The following PTCHD4 variants were observed in gnomAD, a reference collection of about 807,000 sequenced individuals.
The protein encoded by PTCHD4 is patched domain containing 4.
Under a neutral mutation model 58.1 loss-of-function variants are expected in PTCHD4, and 33 were observed. That is an observed-to-expected ratio of 0.57 (90% CI 0.43 to 0.76). The LOEUF is 0.76. Among genes scored for constraint, PTCHD4 ranks in the 30% least tolerant of loss-of-function variants. The probability of loss-of-function intolerance (pLI) is 0.00; values close to 1 mark genes in which losing one functional copy is unlikely to be tolerated. For synonymous variants in PTCHD4, 478 were observed against 409.6 expected (o/e 1.17, Z -2.02); for missense variants, 1,058 against 1,027.1 (o/e 1.03, Z -0.41).
chr6:47,972,020 T>C (rs574111296), intron 4 of PTCHD4, among the ~76,000 whole-genome samples: 237 of 152,284 alleles, frequency 1.6e-3, no homozygotes, highest in African/African-American at 5.6e-3. Context: ...GAAAGAAATG[T>C]AATAATAGCC....
At chr6:47,912,596 C>T (rs1765105081) in intron 4 of PTCHD4, among the ~76,000 whole-genome samples, 3 of 152,084 alleles carry the variant, frequency 2.0e-5, no homozygotes, top group African/African-American at 7.2e-5. Flanking sequence ...TTCATACCTT[C>T]TTTGAATGTT....
intron 3 of PTCHD4, among the ~76,000 whole-genome samples, chr6:48,049,331 C>G (rs1170794359): frequency 2.5e-5 from 1 of 40,388 alleles, no homozygotes; most frequent in Non-Finnish European, 6.2e-5. Context: ...AGAGAACTTA[C>G]ACATGTTTCG....
At chr6:48,032,453 T>C (rs2753201) in intron 3 of PTCHD4, among the ~76,000 whole-genome samples, 121,929 of 151,932 alleles carry the variant, frequency 0.8, 48,927 homozygotes, top group Middle Eastern at 0.84. Context: ...TATGTGTGTG[T>C]GTGTGTGTTT....
chr6:48,081,116 T>G (rs1244715467), intron 1 of PTCHD4, among the ~76,000 whole-genome samples: 1 of 152,122 alleles, frequency 6.6e-6, no homozygotes, highest in Non-Finnish European at 1.5e-5. Flanking sequence ...AACCAAAATG[T>G]ACAAAACCCT....
In PTCHD4 at chr6:48,067,547, A is replaced by C. The variant is rs146092641; in HGVS notation, c.417+683T>G. On this transcript the variant is annotated intron_variant, in intron 3 of 4. Coordinates refer to ENST00000339488, the MANE Select transcript of PTCHD4 (RefSeq NM_001384253.1). ...ACACATCATTCCTGGAATCCCTACT[A>C]CATTCATAACTCACTGCTTTCAGAC... Among the ~76,000 whole-genome samples the C allele has an allele frequency of 8.2e-4, 125 of 152,218 alleles. 5 individuals carry two copies. Among genetic ancestry groups the C allele is most frequent in the African/African-American group, 2.9e-3 (122 of 41,530 alleles).
chr6:48,101,926 G>T (rs1443653134), intron 1 of PTCHD4, among the ~76,000 whole-genome samples: 5 of 152,148 alleles, frequency 3.3e-5, no homozygotes, highest in Non-Finnish European at 7.3e-5. Flanking sequence ...CTCTATGAAG[G>T]TCTGGTCAAT....
intron 4 of PTCHD4, among the ~76,000 whole-genome samples, chr6:47,938,682 G>A (rs1187385891): frequency 2.0e-5 from 3 of 152,218 alleles, no homozygotes; most frequent in Non-Finnish European, 2.9e-5. Flanking sequence ...AGTGAGAATA[G>A]TGGTGTGCTT....
chr6:47,967,732 C>T (rs544015093), intron 4 of PTCHD4, among the ~76,000 whole-genome samples: 2 of 152,172 alleles, frequency 1.3e-5, no homozygotes, highest in Non-Finnish European at 2.9e-5. Context: ...GTTATGGAAA[C>T]ATCTTCTCTC....
At chr6:48,079,480 TCA>T (rs1438206179) in intron 1 of PTCHD4, among the ~76,000 whole-genome samples, 1 of 152,016 alleles carries the variant, frequency 6.6e-6, no homozygotes, top group Non-Finnish European at 1.5e-5. Context: ...AACATTCATA[TCA>T]CTGTAAAGAA....
At chr6:48,013,625 T>A (rs1325589360) in intron 3 of PTCHD4, among the ~76,000 whole-genome samples, 1 of 152,010 alleles carries the variant, frequency 6.6e-6, no homozygotes, top group Non-Finnish European at 1.5e-5. Context: ...CACTAATTGA[T>A]CCCCAATTAG....
chr6:47,890,900 T>C (rs1460795242), intron 4 of PTCHD4: 1 of 984,370 alleles, frequency 1.0e-6, no homozygotes, highest in Non-Finnish European at 1.2e-6. Context: ...CCTTCCATGC[T>C]TTTCAAGTTT....
intron 1 of PTCHD4, among the ~76,000 whole-genome samples, chr6:48,106,041 G>A (rs1054773921): frequency 6.6e-6 from 1 of 152,056 alleles, no homozygotes; most frequent in Admixed American, 6.6e-5. Context: ...AGCTGGTACC[G>A]TTCCTTCTGA....
At position 47,878,723 on chromosome 6, in the gene PTCHD4, G is replaced by A. The variant is rs780216605; in HGVS notation, c.2112C>T (p.Asn704=). 5.6e-6 allele frequency: 9 copies of A among 1,613,558 alleles called. No homozygotes were observed. In the East Asian group the frequency reaches 1.3e-4, roughly 24 times the overall value. The change falls in exon 5 of 5, where the codon AAC becomes AAT. Residue 704 remains asparagine, a synonymous_variant. Coordinates refer to ENST00000339488, the MANE Select transcript of PTCHD4 (RefSeq NM_001384253.1). ...AGATAGAAATGCAATCCATGTCGAC[G>A]TTCCATAATGTCATTAAGCCCAGAA... ...LGVLGLMTLW[N]VDMDCISILC...
At chr6:48,003,845 A>G (rs1428517735) in intron 4 of PTCHD4, among the ~76,000 whole-genome samples, 2 of 152,182 alleles carry the variant, frequency 1.3e-5, no homozygotes, top group African/African-American at 2.4e-5. Flanking sequence ...AGCTTCGCCA[A>G]GCAAGGTCCT....
chr6:48,052,778 TA>T (rs374733566), intron 3 of PTCHD4, among the ~76,000 whole-genome samples: 157 of 152,232 alleles, frequency 1.0e-3, no homozygotes, highest in African/African-American at 3.4e-3. Flanking sequence ...TTTTGTAATG[TA>T]AAATTTCCAG....
intron 4 of PTCHD4, among the ~76,000 whole-genome samples, chr6:47,952,319 C>T (rs570956582): frequency 3.9e-5 from 6 of 152,222 alleles, no homozygotes; most frequent in African/African-American, 1.4e-4. Flanking sequence ...GTTCTCTTGG[C>T]TTAGCACTCC....
chr6:47,930,446 T>C (rs949526096), intron 4 of PTCHD4, among the ~76,000 whole-genome samples: 2 of 152,222 alleles, frequency 1.3e-5, no homozygotes, highest in East Asian at 1.9e-4. Context: ...AGGTTTCTTG[T>C]AGCAAAACCT....
At chr6:48,042,625 C>T (rs572060730) in intron 3 of PTCHD4, among the ~76,000 whole-genome samples, 6 of 151,916 alleles carry the variant, frequency 3.9e-5, no homozygotes, top group South Asian at 2.1e-4. Flanking sequence ...CCAACCAAGA[C>T]GCTGACCCAA....
intron 4 of PTCHD4, among the ~76,000 whole-genome samples, chr6:47,955,746 C>T (rs1356617964): frequency 6.6e-6 from 1 of 152,008 alleles, no homozygotes. Context: ...CATGTATAAC[C>T]TGGGCCATAA....
Sources: allele counts gnomAD v4.1 joint callset (sites outside exome capture counted in the v4.1 genomes callset), GRCh38; gene constraint gnomAD v4.1.1; transcripts MANE v1.5; gene names NCBI Gene and HGNC (gene_info 2026-07-23, HGNC 2026-07-21).